PTP4A2: variants seen among roughly 807,000 people sequenced by gnomAD.
The protein encoded by PTP4A2 is protein tyrosine phosphatase 4A2.
In PTP4A2, 2 loss-of-function variants were observed where a neutral mutation model predicts 22.9. The observed-to-expected ratio is 0.09, with a 90% CI of 0.04 to 0.27. The LOEUF (loss-of-function observed/expected upper bound fraction) is 0.27. Among genes scored for constraint, PTP4A2 ranks in the 10% least tolerant of loss-of-function variants. The pLI is 1.00. For missense variants in PTP4A2, 103 were observed against 205.1 expected (o/e 0.50, Z 3.04); for synonymous variants, 68 against 69.1 (o/e 0.98, Z 0.08).
rs904927645 is a variant in PTP4A2, at chr1:31,916,076, T to C, written c.97-89A>G. 8.2e-6 allele frequency: 7 copies of C among 848,860 alleles called. No homozygotes were observed. In the African/African-American group the frequency reaches 1.2e-4, roughly 15 times the overall value. 52.6% of individuals were successfully genotyped at this position (848,860 alleles called of 1,614,324 possible). The stretch of plus-strand genomic sequence containing the variant: ...ATGTACTATTATAGGCCGGGCGGGG[T>C]GGTTCACGCCTATAATCCCAGCACT... On this transcript the variant is annotated intron_variant, in intron 2 of 5. Coordinates refer to ENST00000647444, the MANE Select transcript of PTP4A2 (RefSeq NM_080391.4).
rs376019864 is a variant in PTP4A2 at position 31,912,393 on chromosome 1, CAGTG to C, written c.190-571_190-568del. On this transcript the variant is annotated intron_variant, in intron 3 of 5. Coordinates refer to ENST00000647444, the MANE Select transcript of PTP4A2 (RefSeq NM_080391.4). ...ATCTTTGTGCTTATTAAAAGGCAAGCAGTGAGTATTTTTAAAGTGCTTACTAAAT... is the reference window on the plus strand; with the variant it reads ...ATCTTTGTGCTTATTAAAAGGCAAGCAGTATTTTTAAAGTGCTTACTAAAT... 3.9e-3 allele frequency among the ~76,000 whole-genome samples: 596 copies of C among 152,318 alleles called. 5 individuals are homozygous for C. Among genetic ancestry groups the C allele is most frequent in the African/African-American group, 0.013 (550 of 41,570 alleles).
intron 1 of PTP4A2, among the ~76,000 whole-genome samples, chr1:31,925,509 C>G (rs1447019281): frequency 6.6e-6 from 1 of 152,200 alleles, no homozygotes; most frequent in Non-Finnish European, 1.5e-5. Flanking sequence ...AATCCCAGCA[C>G]TTTGGGAGGC....
rs1336738878 is a variant in PTP4A2, at chr1:31,926,086, G to A, written c.-593-6428C>T. The stretch of plus-strand genomic sequence containing the variant: ...GGAGGTTGCAGTGAACTGAGATTGC[G>A]CCACTGCACTCCAGCCTGGCCACAG... On this transcript the variant is annotated intron_variant, in intron 1 of 5. Transcript: ENST00000647444. Among the ~76,000 whole-genome samples, 5 of 142,408 alleles carry A rather than the reference G, an allele frequency of 3.5e-5. No homozygotes were observed. In the East Asian group the frequency reaches 8.1e-4, roughly 23 times the overall value. 93.4% of individuals were successfully genotyped at this position (142,408 alleles called of 152,430 possible). A position where few individuals can be genotyped will look rare whatever the true frequency, so the allele number is the denominator to read the frequency against.
chr1:31,910,030 A>T lies in PTP4A2; in HGVS notation c.395+8T>A, dbSNP rs148196214. ...CTGTGTTTCTGAACACAAAAACTTC[A>T]TACTCACTGTCTTATAAACTGAACT... On this transcript the variant is annotated splice_region_variant and intron_variant, in intron 5 of 5. Coordinates refer to ENST00000647444, the MANE Select transcript of PTP4A2 (RefSeq NM_080391.4). 4.6e-5 allele frequency: 74 copies of T among 1,603,254 alleles called. No homozygotes were observed. The African/African-American group carries it at 9.1e-4, about 20-fold the overall frequency.
intron 5 of PTP4A2, among the ~76,000 whole-genome samples, chr1:31,909,397 C>CAGGCGTGGTGGCTCACGCCTGT (rs1651411054): frequency 6.6e-6 from 1 of 152,196 alleles, no homozygotes; most frequent in East Asian, 1.9e-4. Context: ...CAGGTGAGGC[C>CAGGCGTGGTGGCTCACGCCTGT]AGGCGTGGTG....
chr1:31,928,390 C>CT (rs35060533), intron 1 of PTP4A2, among the ~76,000 whole-genome samples: 1 of 151,556 alleles, frequency 6.6e-6, no homozygotes. Flanking sequence ...AAATAAGATG[C>CT]TTTTTTTACT....
At chr1:31,918,501 A>G (rs1651973966) in intron 2 of PTP4A2, among the ~76,000 whole-genome samples, 1 of 152,210 alleles carries the variant, frequency 6.6e-6, no homozygotes, top group African/African-American at 2.4e-5. Context: ...CTAGGCAAGT[A>G]CATTAGTTCC....
intron 3 of PTP4A2, 69 bp downstream of exon 3, chr1:31,915,826 C>G: frequency 1.9e-6 from 2 of 1,071,160 alleles, no homozygotes; most frequent in South Asian, 2.9e-5. Context: ...TGCACCTGGC[C>G]TAGTTTTATA....
rs59088489 is a variant in PTP4A2, at chr1:31,926,149, A to AAAAAAAATAT, written c.-593-6492_-593-6491insATATTTTTTT. On this transcript the variant is annotated intron_variant, in intron 1 of 5. Coordinates refer to ENST00000647444, the MANE Select transcript of PTP4A2 (RefSeq NM_080391.4). ...TTTCAAAAAATTAAAAAAAAAAAAA[A>AAAAAAAATAT]ATATATATATATATATATATTTATC... Among the ~76,000 whole-genome samples, 6 of 131,340 alleles carry AAAAAAAATAT rather than the reference A, an allele frequency of 4.6e-5. 1 individual carries two copies. Among genetic ancestry groups the AAAAAAAATAT allele is most frequent in the African/African-American group, 1.7e-4 (6 of 35,156 alleles). 86.2% of individuals were successfully genotyped at this position (131,340 alleles called of 152,430 possible). A position where few individuals can be genotyped will look rare whatever the true frequency, so the allele number is the denominator to read the frequency against.
intron 4 of PTP4A2, 147 bp downstream of exon 4, chr1:31,911,549 C>T (rs1290797744): frequency 3.0e-6 from 2 of 671,224 alleles, no homozygotes; most frequent in Non-Finnish European, 4.4e-6. Context: ...AATCATTACA[C>T]TAGTTTTTCC....
At chr1:31,931,357 A>T (rs551118909) in intron 1 of PTP4A2, among the ~76,000 whole-genome samples, 1 of 152,290 alleles carries the variant, frequency 6.6e-6, no homozygotes, top group Non-Finnish European at 1.5e-5. Context: ...TGGTTAGATA[A>T]CTCTGGAGAA....
intron 1 of PTP4A2, among the ~76,000 whole-genome samples, chr1:31,920,126 CAAAA>C (rs772173962): frequency 2.3e-5 from 1 of 43,146 alleles, no homozygotes. Context: ...AACTCTGCCT[CAAAA>C]AAAAAAAAAA....
At chr1:31,925,481 G>A (rs762561571) in intron 1 of PTP4A2, among the ~76,000 whole-genome samples, 33 of 152,190 alleles carry the variant, frequency 2.2e-4, no homozygotes, top group Non-Finnish European at 2.8e-4. Flanking sequence ...GAGGCCGGGC[G>A]CCGTGGCTCA....
At chr1:31,922,635 T>TTTCTTTCTTTCTTTCTTTCTTTCTTTC in intron 1 of PTP4A2, among the ~76,000 whole-genome samples, 1 of 124,484 alleles carries the variant, frequency 8.0e-6, no homozygotes, top group Middle Eastern at 3.7e-3. Context: ...TCTTTCTTTC[T>TTTCTTTCTTTCTTTCTTTCTTTCTTTC]TTTATTTATT....
At chr1:31,921,521 A>T (rs1224112026) in intron 1 of PTP4A2, 1 of 152,230 alleles carries the variant, frequency 6.6e-6, no homozygotes, top group South Asian at 2.1e-4. Flanking sequence ...GAAGTGACAG[A>T]ATTTTTATTA....
At chr1:31,936,810 A>AT (rs1652953262) in intron 1 of PTP4A2, among the ~76,000 whole-genome samples, 2 of 152,216 alleles carry the variant, frequency 1.3e-5, no homozygotes, top group South Asian at 4.1e-4. Flanking sequence ...TCAGCAAGGC[A>AT]TAACTTCACT....
chr1:31,921,963 T>C (rs957571889), intron 1 of PTP4A2: 2 of 152,160 alleles, frequency 1.3e-5, no homozygotes, highest in African/African-American at 4.8e-5. Context: ...AGAACTTCAA[T>C]AATACTACAG....
chr1:31,924,162 G>GT (rs1187654699), intron 1 of PTP4A2: 1 of 152,220 alleles, frequency 6.6e-6, no homozygotes, highest in East Asian at 1.9e-4. Flanking sequence ...TCTCCAGTGT[G>GT]TGTCTGCTCA....
At chr1:31,926,078 G>A (rs1317417100) in intron 1 of PTP4A2, among the ~76,000 whole-genome samples, 1 of 145,458 alleles carries the variant, frequency 6.9e-6, no homozygotes, top group Non-Finnish European at 1.5e-5. Flanking sequence ...GCAGTGAACT[G>A]AGATTGCGCC....
Sources: gnomAD v4.1 joint callset for allele counts (sites outside exome capture counted in the v4.1 genomes callset) on GRCh38, gnomAD v4.1.1 for gene constraint, MANE v1.5 for transcripts, NCBI Gene and HGNC (gene_info 2026-07-23, HGNC 2026-07-21) for gene names.